The following PPARGC1A variants were observed in gnomAD, a reference collection of about 807,000 sequenced individuals.
PPARGC1A encodes PPARG coactivator 1 alpha.
In PPARGC1A, 25 loss-of-function variants were observed where a neutral mutation model predicts 88.7. The observed-to-expected ratio is 0.28, with a 90% CI of 0.21 to 0.39. The LOEUF (loss-of-function observed/expected upper bound fraction) is 0.39. PPARGC1A is among the 10% of genes least tolerant of loss of function. The probability of loss-of-function intolerance (pLI) is 1.00; values close to 1 mark genes in which losing one functional copy is unlikely to be tolerated. For missense variants in PPARGC1A, 880 were observed against 968.7 expected (o/e 0.91, Z 1.22); for synonymous variants, 363 against 355.6 (o/e 1.02, Z -0.24).
chr4:24,395,267 T>G, the PPARGC1A span, among the ~76,000 whole-genome samples: 1 of 152,216 alleles, frequency 6.6e-6, no homozygotes, highest in Non-Finnish European at 1.5e-5. Context: ...AGCTAATTAT[T>G]ATGTGTAACT....
the PPARGC1A span, among the ~76,000 whole-genome samples, chr4:24,106,428 C>T: frequency 2.6e-5 from 4 of 152,066 alleles, no homozygotes; most frequent in African/African-American, 4.8e-5. Flanking sequence ...AGGGGCAGGT[C>T]GAATGGCAAC....
the PPARGC1A span, among the ~76,000 whole-genome samples, chr4:24,335,532 G>T: frequency 2.8e-4 from 42 of 152,224 alleles, no homozygotes; most frequent in South Asian, 7.7e-3. Context: ...TGTCAGCAAG[G>T]TATTCCCATT....
the PPARGC1A span, among the ~76,000 whole-genome samples, chr4:24,146,560 C>T: frequency 6.6e-6 from 1 of 152,194 alleles, no homozygotes; most frequent in Non-Finnish European, 1.5e-5. Context: ...TCATTAGATC[C>T]TAATAGGAGG....
chr4:24,138,403 AG>A, the PPARGC1A span, among the ~76,000 whole-genome samples: 1 of 152,234 alleles, frequency 6.6e-6, no homozygotes, highest in South Asian at 2.1e-4. Context: ...CAGTGAAATT[AG>A]AAGCTGCCTT....
chr4:24,401,233 T>C, the PPARGC1A span, among the ~76,000 whole-genome samples: 1 of 151,998 alleles, frequency 6.6e-6, no homozygotes, highest in Non-Finnish European at 1.5e-5. Flanking sequence ...TTAGCCAGGA[T>C]GGTCTCGATC....
the PPARGC1A span, among the ~76,000 whole-genome samples, chr4:24,445,874 C>T: frequency 6.6e-6 from 1 of 152,060 alleles, no homozygotes. Flanking sequence ...TCGGGACCAG[C>T]CTGACCAACA....
At chr4:24,237,438 C>T in the PPARGC1A span, among the ~76,000 whole-genome samples, 18 of 152,130 alleles carry the variant, frequency 1.2e-4, no homozygotes, top group African/African-American at 3.6e-4. Context: ...CTCTGCCCAA[C>T]CAAATCTCCA....
At chr4:24,282,026 C>T in the PPARGC1A span, among the ~76,000 whole-genome samples, 14 of 152,266 alleles carry the variant, frequency 9.2e-5, no homozygotes, top group Admixed American at 3.3e-4. Context: ...ATGCTTTTAA[C>T]CTCTTGCTAT....
At chr4:24,076,378 A>G in the PPARGC1A span, among the ~76,000 whole-genome samples, 1 of 152,192 alleles carries the variant, frequency 6.6e-6, no homozygotes, top group Non-Finnish European at 1.5e-5. Flanking sequence ...ATCACAATTC[A>G]TATATACATT....
At chr4:24,176,045 C>G in the PPARGC1A span, among the ~76,000 whole-genome samples, 1 of 152,158 alleles carries the variant, frequency 6.6e-6, no homozygotes, top group Non-Finnish European at 1.5e-5. Context: ...TGTCTCAAGT[C>G]TCAAGGATCA....
At chr4:23,802,368 A>T in intron 10 of PPARGC1A, 23 bp from the exon 11 acceptor site, 1 of 1,613,628 alleles carries the variant, frequency 6.2e-7, no homozygotes, top group Non-Finnish European at 8.5e-7. Context: ...GGAAGGAGAG[A>T]GTTCTGGAGT....
chr4:24,370,674 G>A, the PPARGC1A span, among the ~76,000 whole-genome samples: 1 of 146,464 alleles, frequency 6.8e-6, no homozygotes, highest in Admixed American at 6.8e-5. Context: ...AGATCAGCCA[G>A]AGAGCAGAAA....
At chr4:23,824,682 A>C (rs1037322700) in intron 5 of PPARGC1A, among the ~76,000 whole-genome samples, 174 bp from the exon 6 acceptor site, 1 of 152,132 alleles carries the variant, frequency 6.6e-6, no homozygotes, top group African/African-American at 2.4e-5. Context: ...AACAAATTCC[A>C]AACAGCGTTT....
chr4:24,248,806 C>T, the PPARGC1A span, among the ~76,000 whole-genome samples: 11 of 152,104 alleles, frequency 7.2e-5, no homozygotes, highest in Non-Finnish European at 1.6e-4. Flanking sequence ...ACAGCAGTGC[C>T]CTTCTGGGGG....
the PPARGC1A span, among the ~76,000 whole-genome samples, chr4:23,990,401 T>C: frequency 1.3e-5 from 2 of 152,042 alleles, no homozygotes; most frequent in African/African-American, 2.4e-5. Context: ...CTTATCACAG[T>C]AGAAGTGCAC....
At chr4:24,077,439 T>A in the PPARGC1A span, among the ~76,000 whole-genome samples, 3 of 152,152 alleles carry the variant, frequency 2.0e-5, no homozygotes, top group Non-Finnish European at 4.4e-5. Flanking sequence ...AGTGGCAGAA[T>A]ATTGATTTCG....
chr4:24,254,237 A>G, the PPARGC1A span, among the ~76,000 whole-genome samples: 1 of 152,224 alleles, frequency 6.6e-6, no homozygotes, highest in African/African-American at 2.4e-5. Flanking sequence ...TTGCAGCAAC[A>G]TGAAGACATA....
the PPARGC1A span, among the ~76,000 whole-genome samples, chr4:24,359,767 C>T: frequency 0.98 from 149,434 of 152,296 alleles, 73,379 homozygotes; most frequent in East Asian, 1. Context: ...AGCCAAGGAA[C>T]ACCAAAGATT....
chr4:24,398,998 C>T, the PPARGC1A span, among the ~76,000 whole-genome samples: 2 of 152,156 alleles, frequency 1.3e-5, no homozygotes, highest in East Asian at 3.8e-4. Flanking sequence ...TACTAATATA[C>T]TTTTTTATAG....
Sources: gnomAD v4.1 joint callset for allele counts (sites outside exome capture counted in the v4.1 genomes callset) on GRCh38, gnomAD v4.1.1 for gene constraint, MANE v1.5 for transcripts, NCBI Gene and HGNC (gene_info 2026-07-23, HGNC 2026-07-21) for gene names.